The following RBM4 variants were observed in gnomAD, a reference collection of about 807,000 sequenced individuals.
RBM4 encodes RNA-binding protein 4.
In RBM4, 7 loss-of-function variants were observed where a neutral mutation model predicts 29.5. That is an observed-to-expected ratio of 0.24 (90% CI 0.14 to 0.45). The LOEUF is 0.45. Ranked by LOEUF, RBM4 falls within the 20% of genes least tolerant of loss-of-function variation. RBM4 has a pLI of 1.00. For synonymous variants in RBM4, 220 were observed against 205.4 expected (o/e 1.07, Z -0.61); for missense variants, 387 against 502.3 (o/e 0.77, Z 2.19).
chr11:66,658,793 C>G (rs1330033684), intron 2 of RBM4, among the ~76,000 whole-genome samples: 3 of 151,874 alleles, frequency 2.0e-5, no homozygotes. Flanking sequence ...AAAACTTAGC[C>G]AGGCGTGGTG....
In RBM4 at chr11:66,639,954, T is replaced by C. The variant is rs1043367; in HGVS notation, c.243T>C (p.His81=). 3.1e-6 allele frequency: 5 copies of C among 1,614,218 alleles called. No individual in the cohort carries two copies. Among genetic ancestry groups the C allele is most frequent in the East Asian group, 2.2e-5 (1 of 44,886 alleles). The change falls in exon 2 of 4, where the codon CAT becomes CAC. Residue 81 remains histidine (H), a synonymous_variant. Transcript: ENST00000310092. ...KNKSKTSTKL[H]VGNISPTCTN... ...AGAGCAAAACCTCAACAAAGTTGCA[T>C]GTGGGCAACATCAGTCCCACCTGCA...
chr11:66,641,925 C>A (rs1386858204), intron 2 of RBM4, among the ~76,000 whole-genome samples: 4 of 152,092 alleles, frequency 2.6e-5, no homozygotes, highest in African/African-American at 4.8e-5. Context: ...CCAACAGATC[C>A]TTAGATTAAG....
intron 2 of RBM4, among the ~76,000 whole-genome samples, chr11:66,655,625 G>C (rs1418504915): frequency 6.6e-6 from 1 of 152,206 alleles, no homozygotes; most frequent in Non-Finnish European, 1.5e-5. Flanking sequence ...AGTTGAATTA[G>C]ATGTAAGTTA....
chr11:66,654,449 T>G (rs566754587), intron 2 of RBM4, among the ~76,000 whole-genome samples: 26 of 152,042 alleles, frequency 1.7e-4, no homozygotes, highest in African/African-American at 6.0e-4. Context: ...CGAGTCGAGA[T>G]AGTGCCACTG....
intron 3 of RBM4, among the ~76,000 whole-genome samples, chr11:66,645,128 C>T (rs1938636494): frequency 6.6e-6 from 1 of 152,154 alleles, no homozygotes; most frequent in Non-Finnish European, 1.5e-5. Flanking sequence ...ATTTAATACT[C>T]TTGAGCCAGC....
intron 2 of RBM4, among the ~76,000 whole-genome samples, chr11:66,641,764 G>A (rs866608638): frequency 8.5e-5 from 13 of 152,262 alleles, no homozygotes; most frequent in African/African-American, 7.2e-5. Flanking sequence ...TGTTCTGGTA[G>A]AATTATAGAT....
At chr11:66,657,073 G>A (rs1938963692) in intron 2 of RBM4, among the ~76,000 whole-genome samples, 2 of 134,146 alleles carry the variant, frequency 1.5e-5, no homozygotes, top group African/African-American at 5.6e-5. Flanking sequence ...GTGCCCCTTT[G>A]TAGTTAATCC....
chr11:66,644,818 A>G, intron 3 of RBM4: 1 of 484,292 alleles, frequency 2.1e-6, no homozygotes, highest in South Asian at 8.9e-5. Flanking sequence ...ATAGATGCTA[A>G]CACTCACCTT....
chr11:66,648,016 A>C (rs942315180), downstream of RBM4, among the ~76,000 whole-genome samples: 1 of 152,066 alleles, frequency 6.6e-6, no homozygotes. Flanking sequence ...CATCCTGACC[A>C]ACATGGTGAA....
intron 2 of RBM4, among the ~76,000 whole-genome samples, chr11:66,659,801 C>T (rs567946738): frequency 6.6e-6 from 1 of 152,246 alleles, no homozygotes; most frequent in South Asian, 2.1e-4. Flanking sequence ...ATAGTCTAGA[C>T]CATGCTATCC....
At chr11:66,652,419 A>G (rs563239567) in intron 2 of RBM4, 2 of 152,342 alleles carry the variant, frequency 1.3e-5, no homozygotes, top group Non-Finnish European at 2.9e-5. Flanking sequence ...TAAAAGTGGC[A>G]AATGGATTAT....
chr11:66,662,322 T>C (rs1454184333), intron 2 of RBM4, among the ~76,000 whole-genome samples: 2 of 152,236 alleles, frequency 1.3e-5, no homozygotes, highest in Admixed American at 6.5e-5. Context: ...AGGAGTGTTA[T>C]TGGGCAGTGA....
intron 2 of RBM4, among the ~76,000 whole-genome samples, chr11:66,661,729 G>A (rs568488372): frequency 6.6e-6 from 1 of 152,260 alleles, no homozygotes; most frequent in African/African-American, 2.4e-5. Flanking sequence ...AAGAAGTAAG[G>A]TTTAGGAATA....
downstream of RBM4, chr11:66,650,049 T>G: frequency 2.1e-6 from 1 of 467,342 alleles, no homozygotes; most frequent in Non-Finnish European, 3.8e-6. Context: ...GAATAGGGCA[T>G]TGTGCCTGTC....
downstream of RBM4, among the ~76,000 whole-genome samples, chr11:66,647,839 T>G (rs1179190349): frequency 6.6e-6 from 1 of 152,160 alleles, no homozygotes; most frequent in Non-Finnish European, 1.5e-5. Context: ...ATGGGGATGG[T>G]CAGTGAAGGA....
At chr11:66,661,903 G>A (rs764490184) in intron 2 of RBM4, among the ~76,000 whole-genome samples, 6 of 152,058 alleles carry the variant, frequency 3.9e-5, no homozygotes, top group Non-Finnish European at 7.4e-5. Flanking sequence ...GGTGGCGCGC[G>A]ACTGTGATCC....
chr11:66,654,131 C>T (rs1359058859), intron 2 of RBM4, among the ~76,000 whole-genome samples: 1 of 152,102 alleles, frequency 6.6e-6, no homozygotes, highest in Non-Finnish European at 1.5e-5. Context: ...CCCAAATGAT[C>T]CTCCCGTCTC....
intron 2 of RBM4, among the ~76,000 whole-genome samples, chr11:66,653,310 CATG>C: frequency 6.6e-6 from 1 of 151,744 alleles, no homozygotes; most frequent in Non-Finnish European, 1.5e-5. Flanking sequence ...GCCTACTCAA[CATG>C]AATACTATCA....
At chr11:66,644,383 T>G in intron 3 of RBM4, 1 of 529,560 alleles carries the variant, frequency 1.9e-6, no homozygotes, top group Non-Finnish European at 3.1e-6. Flanking sequence ...TATTTGTGCC[T>G]AGAAAAATAA....
Sources: gnomAD v4.1 joint callset for allele counts (sites outside exome capture counted in the v4.1 genomes callset) on GRCh38, gnomAD v4.1.1 for gene constraint, MANE v1.5 for transcripts, NCBI Gene and HGNC (gene_info 2026-07-23, HGNC 2026-07-21) for gene names.